The following ATP2C1 variants were observed in gnomAD, a reference collection of about 807,000 sequenced individuals.
ATP2C1 encodes the protein ATPase secretory pathway Ca2+ transporting 1.
ATP2C1 carries 31 observed loss-of-function variants against 120.5 expected under a neutral mutation model. That is an observed-to-expected ratio of 0.26 (90% confidence interval 0.19 to 0.35). The LOEUF (loss-of-function observed/expected upper bound fraction) is 0.35, where lower values mean the gene tolerates loss of function less well. ATP2C1 is among the 10% of genes least tolerant of loss of function. The probability of loss-of-function intolerance (pLI) is 1.00; values close to 1 mark genes in which losing one functional copy is unlikely to be tolerated. For synonymous variants in ATP2C1, 351 were observed against 358.7 expected, an observed-to-expected ratio of 0.98 and a Z score of 0.24; for missense variants, 731 against 1,107.5, an observed-to-expected ratio of 0.66 and a Z score of 4.83.
chr3:130,867,692 A>T (rs1465955617), intron 1 of ATP2C1, among the ~76,000 whole-genome samples: 2 of 150,064 alleles, frequency 1.3e-5, no homozygotes, highest in Non-Finnish European at 3.0e-5. Flanking sequence ...CCGAGATTGC[A>T]GCCTCTGCCC....
chr3:130,883,682 C>A (rs2068860632), intron 1 of ATP2C1, among the ~76,000 whole-genome samples: 1 of 151,988 alleles, frequency 6.6e-6, no homozygotes, highest in African/African-American at 2.4e-5. Flanking sequence ...AAACTCCTGA[C>A]CTAACCTCAA....
At chr3:130,897,546 C>T (rs1032807579) in intron 2 of ATP2C1, among the ~76,000 whole-genome samples, 3 of 152,128 alleles carry the variant, frequency 2.0e-5, no homozygotes, top group African/African-American at 7.2e-5. Context: ...CAGGTAGTTA[C>T]ATTTGTGGGT....
rs1047064212 is a variant in ATP2C1 at position 130,915,825 on chromosome 3, A to G, written c.7-14591A>G. ...AGGGACTCAGTGGTAGACCTCTTCT[A>G]CATATGCCACTTCAGTAGTGTGGTT... On this transcript the variant is annotated intron_variant, in intron 2 of 27. Coordinates refer to ENST00000510168, the MANE Select transcript of ATP2C1 (RefSeq NM_001378687.1). 4.9e-4 allele frequency among the ~76,000 whole-genome samples: 75 copies of G among 152,224 alleles called. 1 individual carries two copies. The highest frequency in any genetic ancestry group is 1.6e-3 in the African/African-American group (67 of 41,466).
chr3:130,996,022 T>C (rs1432132699), intron 22 of ATP2C1, 21 bp from the exon 23 acceptor site: 4 of 1,405,318 alleles, frequency 2.8e-6, no homozygotes, highest in Admixed American at 1.7e-5. Flanking sequence ...TCTCACTTCA[T>C]CTTTATTTTT....
chr3:130,946,766 A>G (rs997927988), intron 8 of ATP2C1, among the ~76,000 whole-genome samples: 1 of 152,246 alleles, frequency 6.6e-6, no homozygotes, highest in Non-Finnish European at 1.5e-5. Context: ...ATGTTTTCAA[A>G]TATTTGATAA....
intron 1 of ATP2C1, among the ~76,000 whole-genome samples, chr3:130,859,657 A>G (rs566363637): frequency 9.7e-4 from 148 of 152,272 alleles, no homozygotes; most frequent in Admixed American, 1.7e-3. Context: ...CTTCTTGTCC[A>G]CAGCATCACA....
chr3:130,871,634 A>G (rs962515869), intron 1 of ATP2C1, among the ~76,000 whole-genome samples: 19 of 152,272 alleles, frequency 1.2e-4, no homozygotes, highest in Admixed American at 1.1e-3. Context: ...TGTCAAAGCC[A>G]GAGGGATACT....
intron 1 of ATP2C1, among the ~76,000 whole-genome samples, chr3:130,871,045 A>G (rs2068413195): frequency 6.6e-6 from 1 of 152,218 alleles, no homozygotes; most frequent in Non-Finnish European, 1.5e-5. Context: ...TGACTCATTG[A>G]TGGTTCAGAT....
At chr3:131,005,757 A>G (rs931363989), downstream of ATP2C1, among the ~76,000 whole-genome samples, 4 of 152,252 alleles carry the variant, frequency 2.6e-5, no homozygotes, top group African/African-American at 9.6e-5. Context: ...TTCCTTTAGC[A>G]TAGTTATTAA....
intron 2 of ATP2C1, among the ~76,000 whole-genome samples, chr3:130,902,312 T>TG (rs2057894761): frequency 2.6e-5 from 2 of 76,446 alleles, no homozygotes; most frequent in African/African-American, 8.1e-5. Flanking sequence ...TTTTTTTTTT[T>TG]TTTTTTTTTT....
intron 2 of ATP2C1, among the ~76,000 whole-genome samples, chr3:130,916,547 TTTC>T (rs926126548): frequency 1.3e-5 from 2 of 152,110 alleles, no homozygotes; most frequent in African/African-American, 4.8e-5. Context: ...ATATTTTTTC[TTTC>T]TTCTTTTTTT....
At chr3:131,010,187 C>CTTTTT (rs35503162) in intron 26 of ATP2C1, among the ~76,000 whole-genome samples, 5 of 88,024 alleles carry the variant, frequency 5.7e-5, no homozygotes, top group African/African-American at 1.7e-4. Context: ...CTTTTTCTAT[C>CTTTTT]TTTTTTTTTT....
intron 18 of ATP2C1, among the ~76,000 whole-genome samples, chr3:130,978,604 T>C (rs1318230966): frequency 6.6e-6 from 1 of 152,202 alleles, no homozygotes; most frequent in East Asian, 1.9e-4. Context: ...TTACATACTC[T>C]TAGAGAACCA....
At chr3:130,909,152 A>C (rs2058273077) in intron 2 of ATP2C1, among the ~76,000 whole-genome samples, 1 of 152,180 alleles carries the variant, frequency 6.6e-6, no homozygotes, top group African/African-American at 2.4e-5. Flanking sequence ...CCCTTAACAA[A>C]GGTTACTGAT....
intron 2 of ATP2C1, among the ~76,000 whole-genome samples, chr3:130,896,242 A>AG (rs1328669737): frequency 6.6e-6 from 1 of 152,202 alleles, no homozygotes; most frequent in Non-Finnish European, 1.5e-5. Context: ...TTGATCTCTC[A>AG]GGAGGAAGAG....
intron 5 of ATP2C1, 114 bp from the exon 6 acceptor site, chr3:130,937,314 C>T (rs988461722): frequency 3.4e-6 from 3 of 872,040 alleles, no homozygotes; most frequent in Non-Finnish European, 5.7e-6. Context: ...TCCAGCTGAT[C>T]TCAGTGTTTA....
chr3:130,980,808 C>T, intron 20 of ATP2C1, 129 bp downstream of exon 20: 1 of 723,712 alleles, frequency 1.4e-6, no homozygotes, highest in East Asian at 2.8e-5. Flanking sequence ...TTTGTTGGTT[C>T]AAATCCTGAA....
chr3:130,937,295 G>C, intron 5 of ATP2C1, 133 bp from the exon 6 acceptor site: 1 of 781,418 alleles, frequency 1.3e-6, no homozygotes, highest in Non-Finnish European at 2.2e-6. Context: ...GTAAAGTTGT[G>C]ATTTCTTTTC....
intron 26 of ATP2C1, among the ~76,000 whole-genome samples, chr3:131,012,675 T>C (rs184520046): frequency 4.6e-5 from 7 of 152,324 alleles, no homozygotes. Flanking sequence ...ACCATCTCTT[T>C]GGAGATGGTT....
Sources: gnomAD v4.1 joint callset for allele counts (sites outside exome capture counted in the v4.1 genomes callset) on GRCh38, gnomAD v4.1.1 for gene constraint, MANE v1.5 for transcripts, NCBI Gene and HGNC (gene_info 2026-07-23, HGNC 2026-07-21) for gene names.